SEPTIN7: variants seen among roughly 807,000 people sequenced by gnomAD.
The protein encoded by SEPTIN7 is septin-7.
In SEPTIN7, 10 loss-of-function variants were observed where a neutral mutation model predicts 63.3. That is an observed-to-expected ratio of 0.16 (90% CI 0.10 to 0.27). The LOEUF (loss-of-function observed/expected upper bound fraction) is 0.27. Ranked by LOEUF, SEPTIN7 falls within the 10% of genes least tolerant of loss-of-function variation. The pLI is 1.00. For missense variants in SEPTIN7, 310 were observed against 521.0 expected (o/e 0.59, Z 3.94); for synonymous variants, 131 against 165.3 (o/e 0.79, Z 1.59).
chr7:35,863,766 C>A, intron 4 of SEPTIN7, 108 bp downstream of exon 4: 1 of 540,022 alleles, frequency 1.9e-6, no homozygotes, highest in Non-Finnish European at 3.1e-6. Flanking sequence ...GCAAATTTGT[C>A]CTTAGCCAGT....
chr7:35,803,209 A>G, intron 1 of SEPTIN7: 1 of 793,370 alleles, frequency 1.3e-6, no homozygotes, highest in Non-Finnish European at 1.5e-6. Context: ...CATGAAAGGT[A>G]GTGTTAAAAG....
chr7:35,860,327 A>AT (rs924694250), intron 3 of SEPTIN7, among the ~76,000 whole-genome samples: 1 of 152,146 alleles, frequency 6.6e-6, no homozygotes. Flanking sequence ...CAGATTCATG[A>AT]TTTTTTAATG....
chr7:35,814,467 T>C (rs937541293), intron 1 of SEPTIN7, among the ~76,000 whole-genome samples: 3 of 150,370 alleles, frequency 2.0e-5, no homozygotes, highest in African/African-American at 7.4e-5. Flanking sequence ...TTAGGTTATT[T>C]GTCTTAATGA....
chr7:35,876,502 G>C (rs1355331898), intron 6 of SEPTIN7, among the ~76,000 whole-genome samples: 1 of 152,124 alleles, frequency 6.6e-6, no homozygotes, highest in Non-Finnish European at 1.5e-5. Context: ...TTTATATAAT[G>C]ATTAATGAAA....
chr7:35,810,771 G>GT (rs757177376), intron 1 of SEPTIN7, among the ~76,000 whole-genome samples: 3,510 of 143,834 alleles, frequency 0.024, 47 homozygotes, highest in Non-Finnish European at 0.03. Flanking sequence ...GAGTTAATGA[G>GT]TTTTTTTTTT....
chr7:35,888,801 G>T (rs557355501), intron 10 of SEPTIN7: 7 of 256,388 alleles, frequency 2.7e-5, no homozygotes, highest in African/African-American at 2.9e-5. Context: ...TCCAGCCTGG[G>T]CAACAGAGCG....
At chr7:35,909,378 G>A (rs915646007), downstream of SEPTIN7, among the ~76,000 whole-genome samples, 14 of 152,154 alleles carry the variant, frequency 9.2e-5, no homozygotes, top group Admixed American at 2.6e-4. Flanking sequence ...AGGTGCTTTG[G>A]AAGATGGAAT....
chr7:35,844,485 C>T (rs1243724255), intron 3 of SEPTIN7, among the ~76,000 whole-genome samples: 2 of 152,250 alleles, frequency 1.3e-5, no homozygotes, highest in Admixed American at 6.5e-5. Flanking sequence ...AGCTGTTACA[C>T]TGAAAAGAAT....
chr7:35,804,408 G>C (rs1320071965), intron 1 of SEPTIN7, among the ~76,000 whole-genome samples: 1 of 152,222 alleles, frequency 6.6e-6, no homozygotes, highest in Non-Finnish European at 1.5e-5. Flanking sequence ...CAAAGAGGCA[G>C]CTTGGCTGGC....
chr7:35,845,295 A>G (rs1784603107), intron 3 of SEPTIN7, among the ~76,000 whole-genome samples: 2 of 152,150 alleles, frequency 1.3e-5, no homozygotes, highest in Non-Finnish European at 2.9e-5. Flanking sequence ...TTTTAAACAT[A>G]TTTTTATTCG....
At chr7:35,809,731 A>G (rs1435658890) in intron 1 of SEPTIN7, among the ~76,000 whole-genome samples, 2 of 152,352 alleles carry the variant, frequency 1.3e-5, no homozygotes, top group Non-Finnish European at 2.9e-5. Flanking sequence ...TAGAAGAGGT[A>G]AGTAGGCAAC....
chr7:35,870,939 A>G (rs4723447), intron 4 of SEPTIN7, among the ~76,000 whole-genome samples: 72,959 of 151,878 alleles, frequency 0.48, 20,687 homozygotes, highest in Non-Finnish European at 0.62. Flanking sequence ...GTAACCTGAT[A>G]ATAGACATGT....
chr7:35,801,129 A>C lies in SEPTIN7; in HGVS notation c.-81A>C. ...AGCAAGGCAGCTACGCCGGGCGGCTACGCTGCGGAATCGGCGTAGGCGCCT... is the reference window on the plus strand; with the variant it reads ...AGCAAGGCAGCTACGCCGGGCGGCTCCGCTGCGGAATCGGCGTAGGCGCCT... On this transcript the variant is annotated 5_prime_UTR_variant, in exon 1 of 14. Transcript: ENST00000350320. 2 of 1,199,424 alleles carry C rather than the reference A, an allele frequency of 1.7e-6. No homozygotes were observed. The highest frequency in any genetic ancestry group is 1.6e-5 in the African/African-American group (1 of 61,996). The allele number at this position is 1,199,424 out of a possible 1,614,324, so 74.3% of individuals were successfully genotyped here.
intron 1 of SEPTIN7, among the ~76,000 whole-genome samples, chr7:35,818,109 TG>T (rs1444466882): frequency 6.6e-6 from 1 of 152,054 alleles, no homozygotes; most frequent in Non-Finnish European, 1.5e-5. Context: ...TTCATCATTG[TG>T]GGTTTTCTGA....
At chr7:35,847,201 G>T in intron 3 of SEPTIN7, 1 of 156,900 alleles carries the variant, frequency 6.4e-6, no homozygotes, top group South Asian at 1.9e-4. Context: ...CTCACCTGTC[G>T]ACGCACTGTA....
chr7:35,804,835 GTTTTT>G (rs57782019), intron 1 of SEPTIN7, among the ~76,000 whole-genome samples: 1 of 123,308 alleles, frequency 8.1e-6, no homozygotes, highest in Non-Finnish European at 1.7e-5. Context: ...TTCTTTTTTT[GTTTTT>G]TTTTTTTTTT....
chr7:35,835,421 A>C (rs960188670), intron 3 of SEPTIN7, among the ~76,000 whole-genome samples: 1 of 152,142 alleles, frequency 6.6e-6, no homozygotes, highest in Non-Finnish European at 1.5e-5. Context: ...CAACAGCCCT[A>C]TGAAGTAGGT....
chr7:35,869,288 G>C (rs117218636), intron 4 of SEPTIN7, among the ~76,000 whole-genome samples: 257 of 152,306 alleles, frequency 1.7e-3, no homozygotes, highest in Non-Finnish European at 3.0e-3. Context: ...GGGTCTTGAT[G>C]AGAAGGAGGT....
At chr7:35,831,097 C>T (rs979475928) in intron 1 of SEPTIN7, among the ~76,000 whole-genome samples, 2 of 152,060 alleles carry the variant, frequency 1.3e-5, no homozygotes, top group African/African-American at 4.8e-5. Flanking sequence ...GTATACCTTC[C>T]TGGATCTTTA....
Sources: gnomAD v4.1 joint callset for allele counts (sites outside exome capture counted in the v4.1 genomes callset) on GRCh38, gnomAD v4.1.1 for gene constraint, MANE v1.5 for transcripts, NCBI Gene and HGNC (gene_info 2026-07-23, HGNC 2026-07-21) for gene names.